Variants in DCAF6 observed in about 807,000 individuals in gnomAD.
The protein encoded by DCAF6 is DDB1- and CUL4-associated factor 6.
In DCAF6, 54 loss-of-function variants were observed where a neutral mutation model predicts 125.1. The observed-to-expected ratio is 0.43, with a 90% CI of 0.35 to 0.54. The LOEUF (loss-of-function observed/expected upper bound fraction) is 0.54. Ranked by LOEUF, DCAF6 falls within the 20% of genes least tolerant of loss-of-function variation. DCAF6 has a pLI of 0.01. For missense variants in DCAF6, 934 were observed against 1,161.7 expected (o/e 0.80, Z 2.85); for synonymous variants, 371 against 390.4 (o/e 0.95, Z 0.58).
chr1:167,944,381 G>T (rs1270015216), intron 1 of DCAF6, among the ~76,000 whole-genome samples: 3 of 152,148 alleles, frequency 2.0e-5, no homozygotes, highest in Admixed American at 6.5e-5. Flanking sequence ...AATTCTTGGA[G>T]AAATCTCCAT....
At chr1:167,978,924 T>A (rs1413036893) in intron 4 of DCAF6, among the ~76,000 whole-genome samples, 1 of 152,220 alleles carries the variant, frequency 6.6e-6, no homozygotes, top group Non-Finnish European at 1.5e-5. Flanking sequence ...CCTAAAGTGC[T>A]GGGATTTCAG....
intron 10 of DCAF6, among the ~76,000 whole-genome samples, chr1:168,006,600 A>T (rs1008259834): frequency 6.6e-6 from 1 of 152,100 alleles, no homozygotes; most frequent in Non-Finnish European, 1.5e-5. Flanking sequence ...TTTTTGTCCA[A>T]TCTCTTTTGC....
chr1:168,074,531 A>G (rs1012567652), intron 21 of DCAF6, among the ~76,000 whole-genome samples: 1 of 152,186 alleles, frequency 6.6e-6, no homozygotes, highest in African/African-American at 2.4e-5. Context: ...GAGGATATAA[A>G]GATAAAAAGA....
intron 15 of DCAF6, 60 bp downstream of exon 15, chr1:168,044,731 T>G: frequency 6.8e-7 from 1 of 1,472,714 alleles, no homozygotes. Flanking sequence ...TTAATCTATG[T>G]TAATCTCTCT....
At chr1:167,973,499 A>C (rs991103132) in intron 3 of DCAF6, among the ~76,000 whole-genome samples, 3 of 152,216 alleles carry the variant, frequency 2.0e-5, no homozygotes. Context: ...GTCACAAAAC[A>C]GTGATTTTTA....
Position 168,022,993 on chromosome 1 carries a change from C to G in DCAF6, c.1555C>G (p.Pro519Ala), listed in dbSNP as rs368376489. The part of the protein sequence containing the change: ...SSQDPHASDS[P>A]SSVVNKQLGS... Reference sequence around the variant, plus strand: ...AAATCTCATTTTTGTTTCAGATTCTCCTTCTTCTGTGGTTAACAAACAGCT... The same window carrying G: ...AAATCTCATTTTTGTTTCAGATTCTGCTTCTTCTGTGGTTAACAAACAGCT... The change falls in exon 12 of 22, where the codon CCT (proline) becomes GCT (alanine). Residue 519 changes from proline (P) to alanine (A), a missense_variant. Pro to Ala is a conservative substitution (Grantham distance 27). Coordinates refer to ENST00000367840, the MANE Select transcript of DCAF6 (RefSeq NM_001198956.2). 7.4e-6 allele frequency: 12 copies of G among 1,613,966 alleles called. No homozygotes were observed. In the African/African-American group the frequency reaches 1.5e-4, roughly 20 times the overall value.
intron 3 of DCAF6, among the ~76,000 whole-genome samples, chr1:167,968,751 T>TGC (rs1449647829): frequency 6.6e-6 from 1 of 152,262 alleles, no homozygotes; most frequent in Non-Finnish European, 1.5e-5. Flanking sequence ...TCCGTTTTCC[T>TGC]GCATTATTCT....
At chr1:168,074,842 G>C (rs1339494554) in intron 21 of DCAF6, among the ~76,000 whole-genome samples, 2 of 152,186 alleles carry the variant, frequency 1.3e-5, no homozygotes, top group Non-Finnish European at 2.9e-5. Flanking sequence ...GTACTCACCA[G>C]TTTGTAAGTT....
Position 168,003,125 on chromosome 1 carries a change from C to G in DCAF6, c.997+550C>G, listed in dbSNP as rs572915013. Among the ~76,000 whole-genome samples, 38 of 152,132 alleles carry G rather than the reference C, an allele frequency of 2.5e-4. No homozygotes were observed. In the South Asian group the frequency reaches 7.5e-3, roughly 30 times the overall value. On this transcript the variant is annotated intron_variant, in intron 8 of 21. Transcript: ENST00000367840. ...TGACTTCTGAAACATCTCTTGTGAT[C>G]AAAAGCATATTCCCCAATATATGAG...
At chr1:168,039,716 T>C (rs1558014295) in intron 13 of DCAF6, among the ~76,000 whole-genome samples, 1 of 148,066 alleles carries the variant, frequency 6.8e-6, no homozygotes, top group African/African-American at 2.5e-5. Context: ...TATTAATATA[T>C]GATCATGTTA....
the DCAF6 span, among the ~76,000 whole-genome samples, chr1:167,874,948 G>A: frequency 1.3e-5 from 2 of 152,136 alleles, no homozygotes; most frequent in African/African-American, 4.8e-5. Flanking sequence ...AGAAGACTTT[G>A]GGGAAAGGAA....
intron 12 of DCAF6, among the ~76,000 whole-genome samples, chr1:168,028,431 C>T (rs1255869813): frequency 6.6e-6 from 1 of 152,122 alleles, no homozygotes; most frequent in Non-Finnish European, 1.5e-5. Context: ...TACAGTGATT[C>T]CATTAAGTGG....
At chr1:167,864,422 A>C in the DCAF6 span, among the ~76,000 whole-genome samples, 3 of 152,228 alleles carry the variant, frequency 2.0e-5, no homozygotes, top group Non-Finnish European at 4.4e-5. Flanking sequence ...AAGCCTAGAC[A>C]GGTCCCTTGT....
At chr1:168,020,888 A>G (rs1685587286) in intron 11 of DCAF6, among the ~76,000 whole-genome samples, 1 of 152,158 alleles carries the variant, frequency 6.6e-6, no homozygotes, top group Non-Finnish European at 1.5e-5. Flanking sequence ...TCCCAAGATT[A>G]CAAATAGAAT....
the DCAF6 span, chr1:167,893,832 T>G: frequency 6.3e-7 from 1 of 1,575,660 alleles, no homozygotes. Context: ...CCAAAGCCAG[T>G]AAATTCAATT....
chr1:168,040,374 G>C (rs962963344), intron 13 of DCAF6, among the ~76,000 whole-genome samples: 1 of 151,928 alleles, frequency 6.6e-6, no homozygotes, highest in South Asian at 2.1e-4. Flanking sequence ...TCTGGTTATT[G>C]TGTTGAGCAT....
rs530228587 is a variant in DCAF6, at chr1:168,003,824, T to G, written c.998-46T>G. ...TCTAGGTTTTTGTATTAATGAAAGA[T>G]TCTGACTTATTACTAAACTCACTGA... On this transcript the variant is annotated intron_variant, in intron 8 of 21. Transcript: ENST00000367840. 3.9e-6 allele frequency: 6 copies of G among 1,527,088 alleles called. No individual in the cohort carries two copies. The East Asian group carries it at 1.4e-4, about 35-fold the overall frequency. 94.6% of individuals were successfully genotyped at this position (1,527,088 alleles called of 1,614,324 possible).
intron 10 of DCAF6, among the ~76,000 whole-genome samples, chr1:168,015,135 A>G (rs1264007192): frequency 6.6e-6 from 1 of 152,234 alleles, no homozygotes; most frequent in Non-Finnish European, 1.5e-5. Flanking sequence ...ACATTCAGTA[A>G]ATATCTCTTT....
At chr1:167,918,309 G>A in the DCAF6 span, 4 of 1,563,538 alleles carry the variant, frequency 2.6e-6, no homozygotes, top group South Asian at 1.1e-5. Context: ...TTGTTCAGGT[G>A]ATCAGGAACT....
Sources: allele counts gnomAD v4.1 joint callset (sites outside exome capture counted in the v4.1 genomes callset), GRCh38; gene constraint gnomAD v4.1.1; transcripts MANE v1.5; gene names NCBI Gene and HGNC (gene_info 2026-07-23, HGNC 2026-07-21).